PAN3: variants seen among roughly 807,000 people sequenced by gnomAD.
PAN3 encodes the protein PAN2-PAN3 deadenylation complex subunit PAN3.
PAN3 carries 19 observed loss-of-function variants against 96.2 expected under a neutral mutation model. The observed-to-expected ratio is 0.20, with a 90% CI of 0.14 to 0.29. PAN3 has a LOEUF of 0.29. PAN3 is among the 10% of genes least tolerant of loss of function. The pLI, the probability that PAN3 is intolerant of heterozygous loss-of-function variation, is 1.00. For missense variants in PAN3, 882 were observed against 1,108.1 expected (o/e 0.80, Z 2.90); for synonymous variants, 433 against 406.6 (o/e 1.06, Z -0.78).
rs759410242 is a variant in PAN3, at chr13:28,157,774, C to T, written c.431-16498C>T. 6.9e-4 allele frequency among the ~76,000 whole-genome samples: 105 copies of T among 152,286 alleles called. 1 individual carries two copies. The highest frequency in any genetic ancestry group is 1.4e-3 in the Admixed American group (22 of 15,288). Reference sequence around the variant, plus strand: ...AATCAATATTGTTAAAATGGCCATACTGCCCAAAACAAAATAAATATTCAA... The same window carrying T: ...AATCAATATTGTTAAAATGGCCATATTGCCCAAAACAAAATAAATATTCAA... On this transcript the variant is annotated intron_variant, in intron 1 of 18. Transcript: ENST00000380958.
At chr13:28,269,764 G>A (rs1886459247) in intron 12 of PAN3, among the ~76,000 whole-genome samples, 1 of 151,954 alleles carries the variant, frequency 6.6e-6, no homozygotes, top group African/African-American at 2.4e-5. Context: ...ATTATCTTCT[G>A]TTCTGTCCAA....
intron 5 of PAN3, among the ~76,000 whole-genome samples, chr13:28,217,928 A>T (rs1416393955): frequency 6.6e-6 from 1 of 151,924 alleles, no homozygotes; most frequent in Non-Finnish European, 1.5e-5. Flanking sequence ...TTCTTATGTC[A>T]TCTAATCCTA....
intron 6 of PAN3, among the ~76,000 whole-genome samples, chr13:28,240,738 A>G (rs1290826015): frequency 6.6e-6 from 1 of 152,186 alleles, no homozygotes. Flanking sequence ...GCCAGATTTG[A>G]TTTTCTCTGC....
At chr13:28,189,691 C>T (rs554706146) in intron 4 of PAN3, among the ~76,000 whole-genome samples, 94 of 152,222 alleles carry the variant, frequency 6.2e-4, no homozygotes, top group African/African-American at 2.2e-3. Flanking sequence ...CCAGATCTCT[C>T]TGACGTTATT....
At chr13:28,235,454 A>G (rs974135444) in intron 6 of PAN3, among the ~76,000 whole-genome samples, 2 of 152,122 alleles carry the variant, frequency 1.3e-5, no homozygotes, top group Non-Finnish European at 2.9e-5. Flanking sequence ...GTATTTGAAC[A>G]TGGTCAGCCT....
At chr13:28,204,632 T>A (rs1260594654) in intron 5 of PAN3, among the ~76,000 whole-genome samples, 1 of 152,232 alleles carries the variant, frequency 6.6e-6, no homozygotes, top group Non-Finnish European at 1.5e-5. Context: ...TTGAATATTT[T>A]GAAAAATAAA....
intron 4 of PAN3, among the ~76,000 whole-genome samples, chr13:28,196,034 T>TTTG (rs1878009879): frequency 6.6e-6 from 1 of 151,612 alleles, no homozygotes; most frequent in South Asian, 2.1e-4. Context: ...TTGTTTTTTT[T>TTTG]TTTTTAATAG....
intron 4 of PAN3, among the ~76,000 whole-genome samples, chr13:28,194,167 A>G (rs1214537190): frequency 6.6e-6 from 1 of 151,088 alleles, no homozygotes; most frequent in Non-Finnish European, 1.5e-5. Context: ...ATAAAAAGAG[A>G]CACTGTCTCA....
intron 1 of PAN3, among the ~76,000 whole-genome samples, chr13:28,140,979 T>G (rs1350859409): frequency 6.6e-6 from 1 of 151,546 alleles, no homozygotes; most frequent in Non-Finnish European, 1.5e-5. Context: ...TGAACAATAG[T>G]TTTCTTACTG....
chr13:28,190,379 A>AT (rs1877090975), intron 4 of PAN3, among the ~76,000 whole-genome samples: 1 of 151,838 alleles, frequency 6.6e-6, no homozygotes, highest in Non-Finnish European at 1.5e-5. Context: ...AATAGCTGGA[A>AT]TTATAGGCAC....
intron 1 of PAN3, among the ~76,000 whole-genome samples, chr13:28,151,533 TGGCAAGAG>T (rs988103850): frequency 2.0e-5 from 3 of 151,156 alleles, no homozygotes; most frequent in African/African-American, 7.3e-5. Context: ...AAAAGTTCTG[TGGCAAGAG>T]GGCAAGAGAG....
chr13:28,184,035 A>T (rs1876136302), intron 4 of PAN3, among the ~76,000 whole-genome samples: 1 of 152,116 alleles, frequency 6.6e-6, no homozygotes, highest in African/African-American at 2.4e-5. Flanking sequence ...AGCTGCTCTG[A>T]GGATGTCTAC....
At chr13:28,164,337 T>C (rs1873275444) in intron 1 of PAN3, among the ~76,000 whole-genome samples, 1 of 152,222 alleles carries the variant, frequency 6.6e-6, no homozygotes, top group Non-Finnish European at 1.5e-5. Context: ...GGCCAGTAAA[T>C]GGCAGAACCA....
At position 28,293,387 on chromosome 13, in the gene PAN3, G is replaced by GTTTTTTTTTTTTT. The variant is rs71086844; in HGVS notation, c.*882_*894dup. 1.7e-3 allele frequency: 37 copies of GTTTTTTTTTTTTT among 21,364 alleles called. 9 individuals are homozygous for GTTTTTTTTTTTTT. Among genetic ancestry groups the GTTTTTTTTTTTTT allele is most frequent in the African/African-American group, 6.2e-3 (31 of 4,976 alleles). The allele number at this position is 21,364 out of a possible 1,614,324, so 1.3% of individuals were successfully genotyped here. A position where few individuals can be genotyped will look rare whatever the true frequency, so the allele number is the denominator to read the frequency against. On this transcript the variant is annotated 3_prime_UTR_variant, in exon 19 of 19. Transcript: ENST00000380958. The stretch of plus-strand genomic sequence containing the variant: ...ACTTTAGGTTCTTTCCAGTTTGCTG[G>GTTTTTTTTTTTTT]TTTTTTTTTTTTTTTTTTTTTTTTT...
At chr13:28,176,685 A>G (rs1383307986) in intron 3 of PAN3, 126 bp downstream of exon 3, 4 of 911,750 alleles carry the variant, frequency 4.4e-6, no homozygotes, top group Non-Finnish European at 5.1e-6. Context: ...AAAAATTATT[A>G]TCTTCCCACT....
chr13:28,279,536 G>C (rs560138194), intron 15 of PAN3, among the ~76,000 whole-genome samples: 31 of 152,044 alleles, frequency 2.0e-4, no homozygotes, highest in Admixed American at 1.6e-3. Flanking sequence ...AAGGCAGGTG[G>C]ATCACAAGGT....
chr13:28,185,277 T>C (rs542881330), intron 4 of PAN3, among the ~76,000 whole-genome samples: 5 of 152,300 alleles, frequency 3.3e-5, no homozygotes, highest in Admixed American at 1.3e-4. Context: ...TAACATTAGA[T>C]TGAAACTTGC....
At chr13:28,156,978 G>C (rs1872249733) in intron 1 of PAN3, among the ~76,000 whole-genome samples, 1 of 113,908 alleles carries the variant, frequency 8.8e-6, no homozygotes, top group African/African-American at 3.4e-5. Flanking sequence ...CTGGGCAACA[G>C]AGTGAGACCC....
intron 7 of PAN3, among the ~76,000 whole-genome samples, chr13:28,259,937 C>T (rs944749803): frequency 1.3e-5 from 2 of 151,904 alleles, no homozygotes; most frequent in African/African-American, 2.4e-5. Context: ...TGCGCCTGGC[C>T]GAAATATTAT....
Sources: gnomAD v4.1 joint callset for allele counts (sites outside exome capture counted in the v4.1 genomes callset) on GRCh38, gnomAD v4.1.1 for gene constraint, MANE v1.5 for transcripts, NCBI Gene and HGNC (gene_info 2026-07-23, HGNC 2026-07-21) for gene names.